KIF5B: variants seen among roughly 807,000 people sequenced by gnomAD.
The protein encoded by KIF5B is kinesin family member 5B.
A neutral mutation model predicts 132.8 loss-of-function variants in KIF5B; 49 were observed. The observed-to-expected ratio is 0.37, with a 90% CI of 0.29 to 0.47. The LOEUF (loss-of-function observed/expected upper bound fraction) is 0.47, where lower values mean the gene tolerates loss of function less well. KIF5B is among the 20% of genes least tolerant of loss of function. The pLI, the probability that KIF5B is intolerant of heterozygous loss-of-function variation, is 1.00. For synonymous variants in KIF5B, 355 were observed against 369.4 expected (o/e 0.96, Z 0.45); for missense variants, 780 against 1,144.0 (o/e 0.68, Z 4.59).
chr10:32,021,827 C>A (rs1841267854), intron 17 of KIF5B, among the ~76,000 whole-genome samples: 1 of 151,984 alleles, frequency 6.6e-6, no homozygotes, highest in Admixed American at 6.6e-5. Flanking sequence ...AAAAAATTAG[C>A]CAGGCGTGGG....
chr10:32,018,329 G>A lies in KIF5B; in HGVS notation c.2426C>T (p.Thr809Ile). Reference sequence around the variant, plus strand: ...TAGTTACATTACCTTTTTAACTCTTGTAGCCAGGTCCTGAACAAAGAGTTT... The same window carrying A: ...TAGTTACATTACCTTTTTAACTCTTATAGCCAGGTCCTGAACAAAGAGTTT... The part of the protein sequence containing the change: ...LRKLFVQDLA[T>I]RVKKSAEIDS... Residue 809 changes from threonine to isoleucine, a missense_variant, in exon 22 of 26, where the codon ACA becomes ATA. Transcript: ENST00000302418. 6.6e-7 allele frequency: 1 copy of A among 1,509,308 alleles called. No homozygotes were observed. The highest frequency in any genetic ancestry group is 8.8e-7 in the Non-Finnish European group (1 of 1,131,654). 93.5% of individuals were successfully genotyped at this position (1,509,308 alleles called of 1,614,324 possible).
At chr10:32,022,636 G>A (rs538855892) in intron 16 of KIF5B, among the ~76,000 whole-genome samples, 5 of 152,120 alleles carry the variant, frequency 3.3e-5, no homozygotes, top group African/African-American at 1.2e-4. Context: ...GTTACCACCA[G>A]TCACATCATT....
intron 1 of KIF5B, among the ~76,000 whole-genome samples, chr10:32,053,619 G>GC (rs1841719942): frequency 6.6e-6 from 1 of 151,850 alleles, no homozygotes; most frequent in Non-Finnish European, 1.5e-5. Context: ...AGCTACTGGG[G>GC]CGGCTGAGGC....
intron 6 of KIF5B, among the ~76,000 whole-genome samples, 174 bp from the exon 7 acceptor site, chr10:32,037,781 C>T (rs1841480248): frequency 1.3e-5 from 2 of 151,884 alleles, no homozygotes; most frequent in Admixed American, 1.3e-4. Context: ...TGCAGTGAGC[C>T]GAGACCATGC....
At chr10:32,031,346 T>C (rs1841400554) in intron 13 of KIF5B, 67 bp from the exon 14 acceptor site, 2 of 1,193,020 alleles carry the variant, frequency 1.7e-6, no homozygotes, top group African/African-American at 1.5e-5. Flanking sequence ...CCATGAAGCT[T>C]CACCATTTGT....
intron 16 of KIF5B, 21 bp from the exon 17 acceptor site, chr10:32,022,278 A>C (rs774210464): frequency 1.1e-5 from 13 of 1,229,514 alleles, no homozygotes; most frequent in Non-Finnish European, 3.6e-6. Context: ...AAATATACTG[A>C]TATGAAGTGG....
chr10:32,026,776 T>C (rs912996852), intron 15 of KIF5B, among the ~76,000 whole-genome samples: 2 of 152,104 alleles, frequency 1.3e-5, no homozygotes, highest in African/African-American at 4.8e-5. Flanking sequence ...ACAACATCTC[T>C]CTGGTGTTCT....
Position 32,009,954 on chromosome 10 carries a change from TAAA to T in KIF5B, c.*1580_*1582del. 6.6e-6 allele frequency: 1 copy of T among 152,120 alleles called. No individual in the cohort carries two copies. The highest frequency in any genetic ancestry group is 1.9e-4 in the East Asian group (1 of 5,182). The allele number at this position is 152,120 out of a possible 1,614,324, so 9.4% of individuals were successfully genotyped here. A position where few individuals can be genotyped will look rare whatever the true frequency, so the allele number is the denominator to read the frequency against. ...TTTGACTATTAAAAAAATAAATAAATAAATTTATATTTTAAATCAAAATTATTA... is the reference window on the plus strand; with the variant it reads ...TTTGACTATTAAAAAAATAAATAAATTTTATATTTTAAATCAAAATTATTA... On this transcript the variant is annotated 3_prime_UTR_variant, in exon 26 of 26. Coordinates refer to ENST00000302418, the MANE Select transcript of KIF5B (RefSeq NM_004521.3).
At chr10:32,037,204 AAAG>A in intron 8 of KIF5B, 47 bp downstream of exon 8, 1 of 1,568,196 alleles carries the variant, frequency 6.4e-7, no homozygotes, top group African/African-American at 1.4e-5. Flanking sequence ...AACTCAAACT[AAAG>A]TTTACAAAGA....
rs775417688 is a variant in KIF5B at position 32,022,867 on chromosome 10, C to T, written c.1895G>A (p.Cys632Tyr). Reference protein sequence around the residue: ...MEENEKELAACQLRISQHEAK... With the variant: ...MEENEKELAAYQLRISQHEAK... ...ACATACTTGAGAGATACGAAGCTGA[C>T]ATGCTGCTAACTCCTTTTCATTTTC... is the stretch of plus-strand genomic sequence containing the variant. The change falls in exon 16 of 26, where the codon TGT becomes TAT. Residue 632 changes from cysteine to tyrosine, a missense_variant. Transcript: ENST00000302418. The T allele has an allele frequency of 4.3e-6, 7 of 1,610,650 alleles. No individual in the cohort carries two copies. In the South Asian group the frequency reaches 7.7e-5, roughly 18 times the overall value.
chr10:32,055,999 C>T lies in KIF5B; in HGVS notation c.-26G>A, dbSNP rs200042599. 6.3e-7 allele frequency: 1 copy of T among 1,591,990 alleles called. No individual in the cohort carries two copies. Among genetic ancestry groups the T allele is most frequent in the Non-Finnish European group, 8.5e-7 (1 of 1,177,406 alleles). Reference sequence around the variant, plus strand: ...CTTTCTCGCAGCCGGGGCCGGCGGCCGGGAGCCACTCCCCGCCGCTCAGTC... The same window carrying T: ...CTTTCTCGCAGCCGGGGCCGGCGGCTGGGAGCCACTCCCCGCCGCTCAGTC... On this transcript the variant is annotated 5_prime_UTR_variant, in exon 1 of 26. Coordinates refer to ENST00000302418, the MANE Select transcript of KIF5B (RefSeq NM_004521.3).
intron 1 of KIF5B, among the ~76,000 whole-genome samples, chr10:32,053,975 C>T (rs1464200861): frequency 2.6e-5 from 4 of 152,160 alleles, no homozygotes; most frequent in Non-Finnish European, 5.9e-5. Context: ...GTTCTTTCTT[C>T]ATAGTTCATG....
intron 25 of KIF5B, among the ~76,000 whole-genome samples, chr10:32,012,997 G>C (rs927990593): frequency 1.3e-5 from 2 of 151,696 alleles, no homozygotes; most frequent in African/African-American, 2.4e-5. Flanking sequence ...CGCCTCCTGG[G>C]TTCAAGCGAT....
intron 12 of KIF5B, among the ~76,000 whole-genome samples, chr10:32,033,170 T>G (rs1841422834): frequency 6.6e-6 from 1 of 152,204 alleles, no homozygotes; most frequent in Non-Finnish European, 1.5e-5. Flanking sequence ...TGTGTTTCCC[T>G]TAATCTCTCA....
At position 32,053,259 on chromosome 10, in the gene KIF5B, G is replaced by T. The variant is rs533253380; in HGVS notation, c.126+2589C>A. Among the ~76,000 whole-genome samples the T allele has an allele frequency of 3.4e-4, 52 of 152,072 alleles. No individual in the cohort carries two copies. In the East Asian group the frequency reaches 9.9e-3, roughly 29 times the overall value. On this transcript the variant is annotated intron_variant, in intron 1 of 25. Coordinates refer to ENST00000302418, the MANE Select transcript of KIF5B (RefSeq NM_004521.3). ...CTGCTCTTATAACCTTTTACAAAATGAAATAATTCATTTAAAAAACTGAAC... is the reference window on the plus strand; with the variant it reads ...CTGCTCTTATAACCTTTTACAAAATTAAATAATTCATTTAAAAAACTGAAC...
chr10:32,028,118 C>T (rs1841356086), intron 15 of KIF5B, among the ~76,000 whole-genome samples: 1 of 152,128 alleles, frequency 6.6e-6, no homozygotes, highest in Admixed American at 6.5e-5. Flanking sequence ...CACACGCCAC[C>T]ATGCCAGGCT....
intron 2 of KIF5B, among the ~76,000 whole-genome samples, chr10:32,046,326 C>T (rs1001905306): frequency 1.3e-5 from 2 of 152,118 alleles, no homozygotes; most frequent in African/African-American, 2.4e-5. Context: ...GTTCTATGAT[C>T]GATCCCTCTG....
intron 13 of KIF5B, 72 bp downstream of exon 13, chr10:32,032,634 C>A: frequency 8.5e-7 from 1 of 1,178,036 alleles, no homozygotes. Context: ...CTATTAAAGA[C>A]AAAGTCAATG....
At chr10:32,035,181 A>C (rs1841448008) in intron 10 of KIF5B, among the ~76,000 whole-genome samples, 1 of 152,250 alleles carries the variant, frequency 6.6e-6, no homozygotes. Context: ...CATCTCATAC[A>C]GATTATATTA....
Sources: gnomAD v4.1 joint callset for allele counts (sites outside exome capture counted in the v4.1 genomes callset) on GRCh38, gnomAD v4.1.1 for gene constraint, MANE v1.5 for transcripts, NCBI Gene and HGNC (gene_info 2026-07-23, HGNC 2026-07-21) for gene names.